Variants in TENM4 observed in about 807,000 individuals in gnomAD.
TENM4 encodes the protein teneurin transmembrane protein 4, also known as teneurin-4.
In TENM4, 82 loss-of-function variants were observed where a neutral mutation model predicts 243.3. The observed-to-expected ratio is 0.34, with a 90% confidence interval of 0.28 to 0.40. The LOEUF (loss-of-function observed/expected upper bound fraction) is 0.40, where lower values mean the gene tolerates loss of function less well. Ranked by LOEUF, TENM4 falls within the 10% of genes least tolerant of loss-of-function variation. TENM4 has a pLI of 1.00. For synonymous variants in TENM4, 1,412 were observed against 1,456.3 expected (o/e 0.97, Z 0.69); for missense variants, 3,138 against 3,673.3 (o/e 0.85, Z 3.77).
intron 2 of TENM4, among the ~76,000 whole-genome samples, chr11:79,238,553 C>G (rs967631916): frequency 2.0e-5 from 3 of 152,060 alleles, no homozygotes; most frequent in Non-Finnish European, 2.9e-5. Context: ...GTTCTCAGGC[C>G]TTAGGGTTTG....
chr11:79,364,237 C>T (rs754895077), intron 1 of TENM4, among the ~76,000 whole-genome samples: 6 of 152,218 alleles, frequency 3.9e-5, no homozygotes, highest in Non-Finnish European at 7.3e-5. Flanking sequence ...GAGCCTGTAC[C>T]TGATGGGCAC....
intron 1 of TENM4, among the ~76,000 whole-genome samples, chr11:79,377,169 G>C (rs1007241610): frequency 1.3e-5 from 2 of 152,224 alleles, no homozygotes; most frequent in Admixed American, 6.5e-5. Flanking sequence ...GAAACTGGAA[G>C]AGGCAGAAAC....
At chr11:78,695,489 G>A (rs1165111724) in intron 28 of TENM4, among the ~76,000 whole-genome samples, 2 of 151,986 alleles carry the variant, frequency 1.3e-5, no homozygotes, top group Non-Finnish European at 2.9e-5. Context: ...TCAGCCTCCC[G>A]AGTAGCTGGG....
intron 17 of TENM4, among the ~76,000 whole-genome samples, chr11:78,771,921 T>C (rs566341384): frequency 6.6e-5 from 10 of 152,336 alleles, no homozygotes; most frequent in East Asian, 1.9e-4. Flanking sequence ...AGCATCTTCT[T>C]TGGGCTAGCA....
At chr11:79,008,021 T>C (rs1361916642) in intron 6 of TENM4, among the ~76,000 whole-genome samples, 1 of 152,212 alleles carries the variant, frequency 6.6e-6, no homozygotes, top group Admixed American at 6.5e-5. Flanking sequence ...GTGAATGGGA[T>C]TTTTATGAGG....
intron 9 of TENM4, among the ~76,000 whole-genome samples, chr11:78,884,951 C>T (rs1012450282): frequency 2.0e-5 from 3 of 152,104 alleles, no homozygotes; most frequent in Non-Finnish European, 2.9e-5. Flanking sequence ...ACACAAGCAA[C>T]GTGCTCAGAA....
At chr11:78,838,610 A>C (rs1169208424) in intron 12 of TENM4, among the ~76,000 whole-genome samples, 1 of 131,242 alleles carries the variant, frequency 7.6e-6, no homozygotes, top group Non-Finnish European at 1.7e-5. Flanking sequence ...GTTGAAAATG[A>C]AAATTCCTCT....
At chr11:79,066,704 A>G (rs112321464) in intron 5 of TENM4, among the ~76,000 whole-genome samples, 107 of 147,804 alleles carry the variant, frequency 7.2e-4, no homozygotes, top group African/African-American at 2.5e-3. Flanking sequence ...TCGAGCACAC[A>G]CACGCATGCA....
intron 6 of TENM4, among the ~76,000 whole-genome samples, chr11:78,908,985 C>T (rs1219776575): frequency 6.6e-6 from 1 of 152,232 alleles, no homozygotes; most frequent in Non-Finnish European, 1.5e-5. Context: ...GCTCGGGGAT[C>T]TCACAGACCT....
chr11:78,724,997 T>C (rs1855481232), intron 23 of TENM4, among the ~76,000 whole-genome samples: 1 of 152,054 alleles, frequency 6.6e-6, no homozygotes, highest in Non-Finnish European at 1.5e-5. Context: ...ACTTGCAGAG[T>C]GAGAAGTGAG....
intron 12 of TENM4, among the ~76,000 whole-genome samples, chr11:78,827,332 T>G (rs962578360): frequency 1.3e-5 from 2 of 152,144 alleles, no homozygotes; most frequent in Non-Finnish European, 2.9e-5. Flanking sequence ...GCCCTCTTTG[T>G]GCTGCTGCCA....
At chr11:79,229,994 CTTTTTTTTT>C (rs60636115) in intron 2 of TENM4, among the ~76,000 whole-genome samples, 1 of 132,678 alleles carries the variant, frequency 7.5e-6, no homozygotes, top group African/African-American at 2.8e-5. Flanking sequence ...GTTTGGCTAA[CTTTTTTTTT>C]TTTTTTTTTT....
At chr11:79,221,494 C>T (rs781298414) in intron 2 of TENM4, among the ~76,000 whole-genome samples, 1 of 151,918 alleles carries the variant, frequency 6.6e-6, no homozygotes, top group Non-Finnish European at 1.5e-5. Flanking sequence ...ACAAACTCAC[C>T]GAGAAACTTC....
chr11:78,963,336 A>G (rs1266914127), intron 6 of TENM4, among the ~76,000 whole-genome samples: 1 of 152,254 alleles, frequency 6.6e-6, no homozygotes, highest in African/African-American at 2.4e-5. Flanking sequence ...CTTTGAGCTC[A>G]GACAATTTGC....
At chr11:79,245,527 C>T (rs1190687964) in intron 2 of TENM4, among the ~76,000 whole-genome samples, 2 of 152,144 alleles carry the variant, frequency 1.3e-5, no homozygotes, top group African/African-American at 4.8e-5. Flanking sequence ...GTTTCTTCAC[C>T]TGAAAAGCAG....
At chr11:78,996,685 G>A (rs539084184) in intron 6 of TENM4, among the ~76,000 whole-genome samples, 1 of 152,332 alleles carries the variant, frequency 6.6e-6, no homozygotes, top group East Asian at 1.9e-4. Flanking sequence ...CCCAAGCAGT[G>A]CTGCTTTGGG....
chr11:78,867,224 C>T (rs189367159), intron 9 of TENM4, among the ~76,000 whole-genome samples: 10 of 151,816 alleles, frequency 6.6e-5, no homozygotes, highest in South Asian at 2.1e-4. Flanking sequence ...TTTTTGTACC[C>T]GTTAACCATG....
chr11:78,879,947 A>ATGGT (rs1439839257), intron 9 of TENM4, among the ~76,000 whole-genome samples: 1 of 151,570 alleles, frequency 6.6e-6, no homozygotes, highest in Non-Finnish European at 1.5e-5. Flanking sequence ...TGTACCCAAC[A>ATGGT]GCTCCAAAGA....
intron 1 of TENM4, among the ~76,000 whole-genome samples, chr11:79,313,692 G>A (rs1377137844): frequency 6.6e-6 from 1 of 152,182 alleles, no homozygotes; most frequent in Non-Finnish European, 1.5e-5. Flanking sequence ...GATGGCTTCA[G>A]ACTCAACAAA....
Sources: gnomAD v4.1 joint callset for allele counts (sites outside exome capture counted in the v4.1 genomes callset) on GRCh38, gnomAD v4.1.1 for gene constraint, MANE v1.5 for transcripts, NCBI Gene and HGNC (gene_info 2026-07-23, HGNC 2026-07-21) for gene names.